The following DTWD2 variants were observed in gnomAD, a reference collection of about 807,000 sequenced individuals.
The protein encoded by DTWD2 is DTW motif tRNA-uridine aminocarboxypropyltransferase 2.
A neutral mutation model predicts 31.8 loss-of-function variants in DTWD2; 39 were observed. The observed-to-expected ratio is 1.22, with a 90% CI of 0.95 to 1.60. The LOEUF (loss-of-function observed/expected upper bound fraction) is 1.60, where lower values mean the gene tolerates loss of function less well. Among genes scored for constraint, DTWD2 ranks in the 40% most tolerant of loss-of-function variants. The pLI is 0.00. For missense variants in DTWD2, 515 were observed against 381.5 expected, an observed-to-expected ratio of 1.35 and a Z score of -2.92; for synonymous variants, 180 against 142.8, an observed-to-expected ratio of 1.26 and a Z score of -1.86.
At chr5:118,950,916 C>T (rs1356521402) in intron 1 of DTWD2, among the ~76,000 whole-genome samples, 1 of 152,116 alleles carries the variant, frequency 6.6e-6, no homozygotes, top group Non-Finnish European at 1.5e-5. Context: ...TTTTTTTAAA[C>T]GTCAGGAGCA....
chr5:118,879,062 T>C (rs1039237962), intron 4 of DTWD2, among the ~76,000 whole-genome samples: 11 of 152,190 alleles, frequency 7.2e-5, no homozygotes, highest in Non-Finnish European at 1.3e-4. Flanking sequence ...GCTCAATCAC[T>C]GTGAAAGGCA....
At chr5:118,935,700 G>A (rs1013586512) in intron 3 of DTWD2, among the ~76,000 whole-genome samples, 6 of 151,990 alleles carry the variant, frequency 3.9e-5, no homozygotes, top group African/African-American at 1.2e-4. Flanking sequence ...ATAATAATAC[G>A]AAATACATAT....
intron 1 of DTWD2, among the ~76,000 whole-genome samples, chr5:118,956,754 C>T (rs1408845980): frequency 6.6e-6 from 1 of 152,106 alleles, no homozygotes; most frequent in Non-Finnish European, 1.5e-5. Context: ...TAGTGCACCT[C>T]AACTTTACCA....
intron 4 of DTWD2, among the ~76,000 whole-genome samples, chr5:118,903,751 A>T (rs917548138): frequency 6.6e-6 from 1 of 151,822 alleles, no homozygotes; most frequent in African/African-American, 2.4e-5. Context: ...TGGAAATGTA[A>T]AAAAAAAGTT....
intron 1 of DTWD2, among the ~76,000 whole-genome samples, chr5:118,951,089 T>C (rs1754453508): frequency 6.6e-6 from 1 of 152,096 alleles, no homozygotes; most frequent in Non-Finnish European, 1.5e-5. Context: ...TGGGAGAGGC[T>C]GGATAAAGAA....
chr5:118,950,524 C>T (rs899721153), intron 1 of DTWD2, among the ~76,000 whole-genome samples: 1 of 152,294 alleles, frequency 6.6e-6, no homozygotes, highest in African/African-American at 2.4e-5. Flanking sequence ...AGCCTTGGGC[C>T]AGAATTCCAG....
intron 1 of DTWD2, among the ~76,000 whole-genome samples, chr5:118,968,407 G>A (rs1006196458): frequency 1.8e-4 from 28 of 152,132 alleles, no homozygotes; most frequent in African/African-American, 6.3e-4. Flanking sequence ...GAATGAAAAC[G>A]GCAAATGAAA....
intron 1 of DTWD2, among the ~76,000 whole-genome samples, chr5:118,970,189 G>A (rs566290933): frequency 6.6e-6 from 1 of 152,320 alleles, no homozygotes; most frequent in East Asian, 1.9e-4. Flanking sequence ...CACTTTGGGA[G>A]GCCGAGGCAG....
chr5:118,952,417 G>A (rs1310077602), intron 1 of DTWD2, among the ~76,000 whole-genome samples: 2 of 152,158 alleles, frequency 1.3e-5, no homozygotes, highest in African/African-American at 4.8e-5. Context: ...CCATTTTATA[G>A]GAGTTGGGTA....
At chr5:118,954,217 G>A (rs947243011) in intron 1 of DTWD2, among the ~76,000 whole-genome samples, 6 of 152,184 alleles carry the variant, frequency 3.9e-5, no homozygotes, top group African/African-American at 1.4e-4. Flanking sequence ...GATGCAGTGA[G>A]CTATGATCAC....
rs967520142 is a variant in DTWD2, at chr5:118,869,597, T to C, written c.598-21379A>G. On this transcript the variant is annotated intron_variant, in intron 4 of 5. Transcript: ENST00000510708. The stretch of plus-strand genomic sequence containing the variant: ...ACAGCATACCATAACATAATGTTCA[T>C]CCTCCCCAGTAAATCAGGAAATCCA... Among the ~76,000 whole-genome samples the C allele has an allele frequency of 2.0e-5, 3 of 152,152 alleles. No individual in the cohort carries two copies. In the East Asian group the frequency reaches 5.8e-4, roughly 29 times the overall value.
chr5:118,861,169 T>A (rs1752251554), intron 4 of DTWD2, among the ~76,000 whole-genome samples: 1 of 152,240 alleles, frequency 6.6e-6, no homozygotes, highest in Non-Finnish European at 1.5e-5. Flanking sequence ...GTTACCTGGA[T>A]TAGAGTTAAA....
chr5:118,957,102 C>T lies in DTWD2; in HGVS notation c.219-12453G>A, dbSNP rs1046386775. On this transcript the variant is annotated intron_variant, in intron 1 of 5. Transcript: ENST00000510708. ...AGTAGATAACATCTTCCATGTCTGA[C>T]TGCTTCAAGTACAAATAACAATAAT... is the stretch of plus-strand genomic sequence containing the variant. 5.3e-5 allele frequency among the ~76,000 whole-genome samples: 8 copies of T among 152,302 alleles called. No individual in the cohort carries two copies. The South Asian group carries it at 1.2e-3, about 24-fold the overall frequency.
At chr5:118,942,567 TG>T (rs1754230757) in intron 2 of DTWD2, among the ~76,000 whole-genome samples, 1 of 149,860 alleles carries the variant, frequency 6.7e-6, no homozygotes, top group Admixed American at 6.7e-5. Context: ...CCTAGCACTG[TG>T]GGAGGCTGAG....
At chr5:118,899,825 G>A (rs1249487306) in intron 4 of DTWD2, among the ~76,000 whole-genome samples, 11 of 134,158 alleles carry the variant, frequency 8.2e-5, no homozygotes, top group Admixed American at 3.3e-4. Context: ...TTTTTGAGAC[G>A]GAGTCTCACT....
At position 118,974,215 on chromosome 5, in the gene DTWD2, C is replaced by G. The variant is rs576972787; in HGVS notation, c.218+14079G>C. 122 of 1,250,764 alleles carry G rather than the reference C, an allele frequency of 9.8e-5. 1 individual carries two copies. The Admixed American group carries it at 1.3e-3, about 14-fold the overall frequency. The allele number at this position is 1,250,764 out of a possible 1,614,324, so 77.5% of individuals were successfully genotyped here. ...CCGTCTCAGAATCTAAACGTGGTCACCTTCGAGTAGAGAGGCCCGCCCGCC... is the reference window on the plus strand; with the variant it reads ...CCGTCTCAGAATCTAAACGTGGTCAGCTTCGAGTAGAGAGGCCCGCCCGCC... On this transcript the variant is annotated intron_variant, in intron 1 of 5. Coordinates refer to ENST00000510708, the MANE Select transcript of DTWD2 (RefSeq NM_173666.4).
chr5:118,938,760 C>T (rs1181958731), intron 3 of DTWD2, among the ~76,000 whole-genome samples: 1 of 130,446 alleles, frequency 7.7e-6, no homozygotes. Context: ...CTATATTAGG[C>T]ACCATAGGGG....
intron 4 of DTWD2, among the ~76,000 whole-genome samples, chr5:118,914,514 G>A (rs1181332523): frequency 6.6e-6 from 1 of 151,966 alleles, no homozygotes; most frequent in Non-Finnish European, 1.5e-5. Context: ...ATTGAGCACA[G>A]GTACAACGCA....
rs566748715 is a variant in DTWD2, at chr5:118,981,726, A to G, written c.218+6568T>C. ...AACATAAAAGTGAAAAGCCAGCAAT[A>G]GAAATGAGAATCTCATCACAGACAG... On this transcript the variant is annotated intron_variant, in intron 1 of 5. Transcript: ENST00000510708. 1.8e-4 allele frequency among the ~76,000 whole-genome samples: 27 copies of G among 152,328 alleles called. 1 individual carries two copies. Among genetic ancestry groups the G allele is most frequent in the Non-Finnish European group, 7.3e-5 (5 of 68,038 alleles).
Sources: allele counts gnomAD v4.1 joint callset (sites outside exome capture counted in the v4.1 genomes callset), GRCh38; gene constraint gnomAD v4.1.1; transcripts MANE v1.5; gene names NCBI Gene and HGNC (gene_info 2026-07-23, HGNC 2026-07-21).